The following CSRNP3 variants were observed in gnomAD, a reference collection of about 807,000 sequenced individuals.
The protein encoded by CSRNP3 is cysteine/serine-rich nuclear protein 3.
In CSRNP3, 12 loss-of-function variants were observed where a neutral mutation model predicts 48.0. The ratio of observed to expected loss-of-function variants is 0.25; its 90% CI spans 0.16 to 0.41. CSRNP3 has a LOEUF of 0.41. Ranked by LOEUF, CSRNP3 falls within the 10% of genes least tolerant of loss-of-function variation. The pLI, the probability that CSRNP3 is intolerant of heterozygous loss-of-function variation, is 1.00. For missense variants in CSRNP3, 580 were observed against 724.4 expected (o/e 0.80, Z 2.29); for synonymous variants, 263 against 269.7 (o/e 0.98, Z 0.24).
At chr2:165,558,153 C>T (rs1685184323) in intron 3 of CSRNP3, among the ~76,000 whole-genome samples, 1 of 151,992 alleles carries the variant, frequency 6.6e-6, no homozygotes, top group Admixed American at 6.6e-5. Flanking sequence ...GGGGAAAAAA[C>T]TATTGTAGAG....
At chr2:165,562,337 G>T (rs181093667) in intron 3 of CSRNP3, among the ~76,000 whole-genome samples, 49 of 152,314 alleles carry the variant, frequency 3.2e-4, no homozygotes, top group Non-Finnish European at 3.1e-4. Flanking sequence ...GTGCTTGAGA[G>T]AAGGGCCCAA....
At chr2:165,609,256 C>G (rs1161644837) in intron 4 of CSRNP3, among the ~76,000 whole-genome samples, 1 of 150,644 alleles carries the variant, frequency 6.6e-6, no homozygotes, top group African/African-American at 2.4e-5. Flanking sequence ...GAGATCGAGA[C>G]CATCCTGGCT....
intron 5 of CSRNP3, among the ~76,000 whole-genome samples, chr2:165,666,262 CAGAG>C (rs1355461395): frequency 1.9e-4 from 12 of 63,562 alleles, no homozygotes; most frequent in African/African-American, 7.5e-4. Context: ...GAAAGAAAGA[CAGAG>C]AGAGGAAGGA....
chr2:165,665,936 A>G (rs1245944092), intron 5 of CSRNP3, among the ~76,000 whole-genome samples: 1 of 146,198 alleles, frequency 6.8e-6, no homozygotes, highest in Admixed American at 6.9e-5. Flanking sequence ...AAAGAAAGAG[A>G]GAGGAAGGAA....
chr2:165,607,027 T>A (rs1686040448), intron 4 of CSRNP3, among the ~76,000 whole-genome samples: 1 of 152,212 alleles, frequency 6.6e-6, no homozygotes, highest in Admixed American at 6.5e-5. Flanking sequence ...TCCATAAATA[T>A]GAGTATTAAG....
chr2:165,478,422 A>C (rs1242999593), intron 1 of CSRNP3, among the ~76,000 whole-genome samples: 1 of 152,214 alleles, frequency 6.6e-6, no homozygotes, highest in Non-Finnish European at 1.5e-5. Context: ...TAAACTTCAA[A>C]AAAGCAGCAC....
rs911016830 is a variant in CSRNP3, at chr2:165,686,724, A to G, written c.*6971A>G. Reference sequence around the variant, plus strand: ...GCAAAGTCATTTCATTTGTGTCTCAAACAAATAAAGCCCACTGCCATGGGT... The same window carrying G: ...GCAAAGTCATTTCATTTGTGTCTCAGACAAATAAAGCCCACTGCCATGGGT... On this transcript the variant is annotated 3_prime_UTR_variant, in exon 7 of 7. Transcript: ENST00000651982. 6.6e-6 allele frequency: 1 copy of G among 152,014 alleles called. No individual in the cohort carries two copies. 9.4% of individuals were successfully genotyped at this position (152,014 alleles called of 1,614,324 possible).
rs73969297 is a variant in CSRNP3, at chr2:165,550,536, T to A, written c.-24+32575T>A. Among the ~76,000 whole-genome samples, 577 of 152,328 alleles carry A rather than the reference T, an allele frequency of 3.8e-3. 8 individuals are homozygous for A. Among genetic ancestry groups the A allele is most frequent in the African/African-American group, 0.013 (548 of 41,578 alleles). ...TAATTTGCTTTATGTTTCACATAAA[T>A]GTGAACTAAAATATGCTTACGTTGT... is the stretch of plus-strand genomic sequence containing the variant. On this transcript the variant is annotated intron_variant, in intron 3 of 6. Transcript: ENST00000651982.
At chr2:165,609,465 G>GAAAAAAAAAAAA (rs34249194) in intron 4 of CSRNP3, among the ~76,000 whole-genome samples, 11 of 97,544 alleles carry the variant, frequency 1.1e-4, no homozygotes, top group African/African-American at 1.6e-4. Flanking sequence ...TCTAAAAAAA[G>GAAAAAAAAAAAA]AAAAAAAAAA....
chr2:165,540,050 A>G (rs1272776438), intron 3 of CSRNP3, among the ~76,000 whole-genome samples: 1 of 152,052 alleles, frequency 6.6e-6, no homozygotes, highest in African/African-American at 2.4e-5. Context: ...CCCCAATAAA[A>G]TGACATGAAG....
At chr2:165,662,372 A>G (rs1687113058) in intron 5 of CSRNP3, among the ~76,000 whole-genome samples, 1 of 152,156 alleles carries the variant, frequency 6.6e-6, no homozygotes, top group Admixed American at 6.6e-5. Context: ...TCTTTCAAAC[A>G]TTGTCTATAA....
chr2:165,620,161 A>C (rs536447346), intron 4 of CSRNP3, among the ~76,000 whole-genome samples: 18 of 152,300 alleles, frequency 1.2e-4, no homozygotes, highest in African/African-American at 4.3e-4. Context: ...ATTTTTACAC[A>C]GTTTTTCTTT....
intron 1 of CSRNP3, among the ~76,000 whole-genome samples, chr2:165,469,970 T>C (rs936093975): frequency 6.6e-6 from 1 of 152,096 alleles, no homozygotes. Flanking sequence ...ACCAGAGGCA[T>C]GTCTTATCCT....
intron 2 of CSRNP3, among the ~76,000 whole-genome samples, chr2:165,514,629 A>G (rs534273667): frequency 2.0e-5 from 3 of 152,336 alleles, no homozygotes; most frequent in African/African-American, 4.8e-5. Context: ...ACTACTGTGC[A>G]TTGTGCACAG....
intron 5 of CSRNP3, among the ~76,000 whole-genome samples, chr2:165,660,455 C>T (rs1049507757): frequency 1.3e-5 from 2 of 152,028 alleles, no homozygotes; most frequent in Non-Finnish European, 2.9e-5. Flanking sequence ...GTCTTTGTAC[C>T]TTTGGGGAGT....
At chr2:165,594,388 C>T (rs1685775515) in intron 3 of CSRNP3, among the ~76,000 whole-genome samples, 1 of 152,124 alleles carries the variant, frequency 6.6e-6, no homozygotes, top group Non-Finnish European at 1.5e-5. Context: ...TCCATTAACC[C>T]AAGATAAATT....
At chr2:165,511,669 GTGGGA>G (rs1173923281) in intron 2 of CSRNP3, among the ~76,000 whole-genome samples, 1 of 152,114 alleles carries the variant, frequency 6.6e-6, no homozygotes, top group Non-Finnish European at 1.5e-5. Context: ...GAGTGAGGAG[GTGGGA>G]AGGAATGTGG....
At chr2:165,519,556 C>T (rs1441718188) in intron 3 of CSRNP3, among the ~76,000 whole-genome samples, 3 of 152,162 alleles carry the variant, frequency 2.0e-5, no homozygotes, top group Non-Finnish European at 4.4e-5. Flanking sequence ...AAATAGTAAA[C>T]TTCTTATTTG....
At chr2:165,513,373 T>C (rs1684534471) in intron 2 of CSRNP3, among the ~76,000 whole-genome samples, 1 of 152,178 alleles carries the variant, frequency 6.6e-6, no homozygotes, top group South Asian at 2.1e-4. Context: ...TCATTCCCTT[T>C]TGACGTATTT....
Sources: gnomAD v4.1 joint callset for allele counts (sites outside exome capture counted in the v4.1 genomes callset) on GRCh38, gnomAD v4.1.1 for gene constraint, MANE v1.5 for transcripts, NCBI Gene and HGNC (gene_info 2026-07-23, HGNC 2026-07-21) for gene names.